SMG1: variants seen among roughly 807,000 people sequenced by gnomAD.
SMG1 encodes the protein serine/threonine-protein kinase SMG1.
SMG1 carries 22 observed loss-of-function variants against 419.9 expected under a neutral mutation model. The ratio of observed to expected loss-of-function variants is 0.05; its 90% confidence interval spans 0.04 to 0.07. SMG1 has a LOEUF of 0.07. Ranked by LOEUF, SMG1 falls within the 10% of genes least tolerant of loss-of-function variation. The pLI is 1.00. For synonymous variants in SMG1, 1,538 were observed against 1,553.5 expected (o/e 0.99, Z 0.23); for missense variants, 3,185 against 4,342.0 (o/e 0.73, Z 7.49).
At chr16:18,885,066 A>C (rs2036559418) in intron 8 of SMG1, 24 bp downstream of exon 8, 2 of 655,656 alleles carry the variant, frequency 3.1e-6, no homozygotes, top group African/African-American at 3.7e-5. Context: ...TATTTAAATA[A>C]CTGGTATAGG....
At chr16:18,884,291 C>CTT (rs2141735337) in intron 8 of SMG1, 124 bp from the exon 9 acceptor site, 4 of 511,370 alleles carry the variant, frequency 7.8e-6, no homozygotes, top group Non-Finnish European at 1.4e-5. Flanking sequence ...TACCCTAAAA[C>CTT]ATGTCCTATA....
chr16:18,809,712 A>T, intron 62 of SMG1, 66 bp from the exon 63 acceptor site: 17 of 1,263,376 alleles, frequency 1.3e-5, no homozygotes, highest in Non-Finnish European at 1.8e-5. Context: ...CTGAATTACA[A>T]TCAGCAGACA....
intron 45 of SMG1, 87 bp downstream of exon 45, chr16:18,837,927 A>C: frequency 2.8e-6 from 4 of 1,422,818 alleles, no homozygotes; most frequent in Non-Finnish European, 1.9e-6. Context: ...AAAAAATTAG[A>C]GAAACAATTT....
chr16:18,906,196 G>C (rs548847684), intron 1 of SMG1, among the ~76,000 whole-genome samples: 1 of 151,956 alleles, frequency 6.6e-6, no homozygotes, highest in African/African-American at 2.4e-5. Flanking sequence ...CAAAAAAAAA[G>C]GTACCAGCTG....
chr16:18,850,185 T>A lies in SMG1; in HGVS notation c.5283+52A>T, dbSNP rs1214007133. On this transcript the variant is annotated intron_variant, in intron 34 of 62. Transcript: ENST00000446231. ...AATAACTCAGAACACTACTTTTGTT[T>A]AATAAGAAAAAGTTTCCAAAATAAA... 1.9e-6 allele frequency: 3 copies of A among 1,584,202 alleles called. No individual in the cohort carries two copies. The African/African-American group carries it at 4.1e-5, about 21-fold the overall frequency.
intron 54 of SMG1, among the ~76,000 whole-genome samples, chr16:18,828,613 G>GT (rs2032927546): frequency 6.6e-6 from 1 of 152,184 alleles, no homozygotes; most frequent in South Asian, 2.1e-4. Flanking sequence ...TCCCAAAGCT[G>GT]TTTATCACAT....
At position 18,847,830 on chromosome 16, in the gene SMG1, T is replaced by C. The variant is rs1567360514; in HGVS notation, c.5827A>G (p.Thr1943Ala). The C allele has an allele frequency of 6.2e-7, 1 of 1,613,852 alleles. No homozygotes were observed. Among genetic ancestry groups the C allele is most frequent in the Non-Finnish European group, 8.5e-7 (1 of 1,179,824 alleles). The stretch of plus-strand genomic sequence containing the variant: ...TTTCTTTGTACCTGTAATACCATGG[T>C]GGGGTTTGCAGAGGACAGCTTATCT... The part of the protein sequence containing the change: ...IVDKLSSANP[T>A]MVLQVQMLVA... Residue 1943 changes from threonine (T) to alanine (A), a missense_variant, in exon 37 of 63, where the codon ACC becomes GCC. This residue lies in a region of SMG1 where 130 missense variants were observed against 162.0 expected (regional missense o/e 0.80). Transcript: ENST00000446231.
rs554245029 is a variant in SMG1, at chr16:18,849,539, T to C, written c.5462-161A>G. Among the ~76,000 whole-genome samples the C allele has an allele frequency of 3.3e-4, 51 of 152,284 alleles. 1 individual carries two copies. In the South Asian group the frequency reaches 9.9e-3, roughly 30 times the overall value. On this transcript the variant is annotated intron_variant, in intron 35 of 62. Coordinates refer to ENST00000446231, the MANE Select transcript of SMG1 (RefSeq NM_015092.5). ...TGTGATAATAAAGAACCATACACAA[T>C]AGTTCTTGATTCGCAAGTCTGGTTA...
chr16:18,816,568 C>A, intron 57 of SMG1, 39 bp from the exon 58 acceptor site: 1 of 1,544,686 alleles, frequency 6.5e-7, no homozygotes, highest in Admixed American at 1.8e-5. Flanking sequence ...CGAGTATCAG[C>A]TGAAATAATG....
chr16:18,905,850 G>A (rs797011777), intron 1 of SMG1, among the ~76,000 whole-genome samples: 122 of 152,142 alleles, frequency 8.0e-4, no homozygotes, highest in African/African-American at 2.8e-3. Context: ...GACCTCAAGG[G>A]ATCCAGCCGC....
rs191788557 is a variant in SMG1 at position 18,889,873 on chromosome 16, C to G, written c.609-288G>C. On this transcript the variant is annotated intron_variant, in intron 5 of 62. Transcript: ENST00000446231. ...TTCCATCTCAAACTGTATTAAATAACTCTCAGAAAAGGGCAGCAACAAATA... is the reference window on the plus strand; with the variant it reads ...TTCCATCTCAAACTGTATTAAATAAGTCTCAGAAAAGGGCAGCAACAAATA... 6.2e-3 allele frequency among the ~76,000 whole-genome samples: 948 copies of G among 152,308 alleles called. 4 individuals carry two copies. Among genetic ancestry groups the G allele is most frequent in the Non-Finnish European group, 7.5e-3 (512 of 68,038 alleles).
intron 4 of SMG1, among the ~76,000 whole-genome samples, chr16:18,891,710 A>G (rs1346978761): frequency 6.6e-6 from 1 of 152,236 alleles, no homozygotes; most frequent in Non-Finnish European, 1.5e-5. Context: ...CTGGGATTAC[A>G]GGCATGAGCC....
chr16:18,862,648 T>G (rs1483677937), intron 25 of SMG1, among the ~76,000 whole-genome samples: 1 of 152,170 alleles, frequency 6.6e-6, no homozygotes, highest in Non-Finnish European at 1.5e-5. Context: ...CTTCCATACT[T>G]GCCCCCCACC....
chr16:18,869,069 G>C lies in SMG1; in HGVS notation c.2833+35C>G, dbSNP rs775477732. Reference sequence around the variant, plus strand: ...ATCCAGTATTTCTTAATAAGGCTTTGAAAGTATTCACATCACAAAGCTTGA... The same window carrying C: ...ATCCAGTATTTCTTAATAAGGCTTTCAAAGTATTCACATCACAAAGCTTGA... On this transcript the variant is annotated intron_variant, in intron 20 of 62. Transcript: ENST00000446231. 27 of 1,531,710 alleles carry C rather than the reference G, an allele frequency of 1.8e-5. No individual in the cohort carries two copies. In the East Asian group the frequency reaches 5.6e-4, roughly 32 times the overall value. 94.9% of individuals were successfully genotyped at this position (1,531,710 alleles called of 1,614,324 possible).
chr16:18,851,966 G>T, intron 33 of SMG1, 101 bp downstream of exon 33: 2 of 1,206,634 alleles, frequency 1.7e-6, no homozygotes, highest in Non-Finnish European at 2.2e-6. Context: ...AACAACAATT[G>T]GTAAGCCCCA....
intron 2 of SMG1, among the ~76,000 whole-genome samples, chr16:18,896,551 A>G (rs1227733724): frequency 1.3e-5 from 2 of 152,256 alleles, no homozygotes; most frequent in Non-Finnish European, 2.9e-5. Context: ...AAAAACAAAA[A>G]TAGTATTGTA....
chr16:18,907,624 C>A (rs953342989), intron 1 of SMG1, among the ~76,000 whole-genome samples: 17 of 151,828 alleles, frequency 1.1e-4, no homozygotes, highest in Non-Finnish European at 2.4e-4. Context: ...CCGAGGCGGG[C>A]GGATCATGAG....
chr16:18,859,685 G>C lies in SMG1; in HGVS notation c.3824C>G (p.Pro1275Arg). 6.2e-7 allele frequency: 1 copy of C among 1,603,152 alleles called. No homozygotes were observed. The highest frequency in any genetic ancestry group is 8.5e-7 in the Non-Finnish European group (1 of 1,174,896). The change falls in exon 27 of 63, where the codon CCT (proline) becomes CGT (arginine). Residue 1275 changes from proline (P) to arginine (R), a missense_variant. Coordinates refer to ENST00000446231, the MANE Select transcript of SMG1 (RefSeq NM_015092.5). ...KEKIDMKKLL[P>R]NMLSPDPREL... is the part of the protein sequence containing the mutation. The stretch of plus-strand genomic sequence containing the variant: ...CCTCGGATCCGGACTTAACATGTTA[G>C]GAAGCAGTTTTTTCATGTCTACCAA...
rs190390991 is a variant in SMG1 at position 18,833,194 on chromosome 16, A to C, written c.8566-28T>G. 4.0e-5 allele frequency: 64 copies of C among 1,587,120 alleles called. No individual in the cohort carries two copies. The African/African-American group carries it at 7.4e-4, about 18-fold the overall frequency. ...ATAAATATATGAGAAAAAAACTTTT[A>C]ATGTTTTTTGAGTTTAGCTAAGTTA... On this transcript the variant is annotated intron_variant, in intron 50 of 62. Coordinates refer to ENST00000446231, the MANE Select transcript of SMG1 (RefSeq NM_015092.5).
Sources: allele counts gnomAD v4.1 joint callset (sites outside exome capture counted in the v4.1 genomes callset), GRCh38; gene constraint gnomAD v4.1.1; regional missense constraint gnomAD v4.1.1; transcripts MANE v1.5; gene names NCBI Gene and HGNC (gene_info 2026-07-23, HGNC 2026-07-21).